The following ZMIZ1 variants were observed in gnomAD, a reference collection of about 807,000 sequenced individuals.
ZMIZ1 encodes the protein zinc finger MIZ-type containing 1, also known as zinc finger MIZ domain-containing protein 1.
ZMIZ1 carries 17 observed loss-of-function variants against 113.9 expected under a neutral mutation model. The ratio of observed to expected loss-of-function variants is 0.15; its 90% CI spans 0.10 to 0.22. The LOEUF (loss-of-function observed/expected upper bound fraction) is 0.22. ZMIZ1 is among the 10% of genes least tolerant of loss of function. The pLI, the probability that ZMIZ1 is intolerant of heterozygous loss-of-function variation, is 1.00. For synonymous variants in ZMIZ1, 607 were observed against 603.1 expected (o/e 1.01, Z -0.09); for missense variants, 1,059 against 1,477.8 (o/e 0.72, Z 4.65).
At chr10:79,154,549 T>G (rs1269119804) in intron 3 of ZMIZ1, among the ~76,000 whole-genome samples, 8 of 152,218 alleles carry the variant, frequency 5.3e-5, no homozygotes, top group Non-Finnish European at 8.8e-5. Context: ...GGACCTGGTC[T>G]GGCCACCCCC....
intron 12 of ZMIZ1, chr10:79,295,250 G>C (rs1425370080): frequency 2.6e-5 from 4 of 152,228 alleles, no homozygotes; most frequent in Non-Finnish European, 5.9e-5. Flanking sequence ...CTGGTCATTG[G>C]TGTCACCCCT....
rs573845342 is a variant in ZMIZ1 at position 79,298,624 on chromosome 10, C to T, written c.1666+44C>T. 2.5e-5 allele frequency: 39 copies of T among 1,544,228 alleles called. No homozygotes were observed. The East Asian group carries it at 8.2e-4, about 33-fold the overall frequency. ...TCTCTTGGCAGCTCCACCTGGGCCC[C>T]CCAGTGGGCCGGGAGCAGGGGCTTC... On this transcript the variant is annotated intron_variant, in intron 15 of 24. Transcript: ENST00000334512.
intron 16 of ZMIZ1, 64 bp from the exon 17 acceptor site, chr10:79,300,668 G>T: frequency 6.6e-7 from 1 of 1,525,426 alleles, no homozygotes. Context: ...CCTGGCTCGG[G>T]GTCACGGAGG....
intron 3 of ZMIZ1, among the ~76,000 whole-genome samples, chr10:79,141,800 A>G (rs1238248335): frequency 3.3e-5 from 5 of 152,160 alleles, no homozygotes; most frequent in Non-Finnish European, 4.4e-5. Context: ...AAGAAATGCA[A>G]ATAATCCAGT....
At chr10:79,266,117 A>G (rs140011051) in intron 7 of ZMIZ1, among the ~76,000 whole-genome samples, 1 of 152,342 alleles carries the variant, frequency 6.6e-6, no homozygotes, top group Non-Finnish European at 1.5e-5. Context: ...CACAGACTTC[A>G]GAGAGCAGTG....
intron 4 of ZMIZ1, among the ~76,000 whole-genome samples, chr10:79,163,232 C>T (rs1321737222): frequency 2.6e-5 from 4 of 152,230 alleles, no homozygotes; most frequent in East Asian, 3.9e-4. Context: ...TGGAGCTTAG[C>T]GCTTCCAGGG....
chr10:79,144,665 T>C (rs917269120), intron 3 of ZMIZ1, among the ~76,000 whole-genome samples: 1 of 152,268 alleles, frequency 6.6e-6, no homozygotes, highest in Non-Finnish European at 1.5e-5. Flanking sequence ...ATTGTGCCTA[T>C]TGTTTAAATA....
chr10:79,081,304 C>A (rs1208381465), intron 1 of ZMIZ1, among the ~76,000 whole-genome samples: 2 of 152,234 alleles, frequency 1.3e-5, no homozygotes, highest in African/African-American at 2.4e-5. Flanking sequence ...GGGGAGGTGG[C>A]CTTCTTATAT....
At chr10:79,230,534 C>T (rs1267368803) in intron 7 of ZMIZ1, among the ~76,000 whole-genome samples, 2 of 152,250 alleles carry the variant, frequency 1.3e-5, no homozygotes, top group African/African-American at 4.8e-5. Context: ...AGAATCACTT[C>T]CTCCCAATTA....
intron 1 of ZMIZ1, among the ~76,000 whole-genome samples, chr10:79,094,954 GAA>G (rs763911221): frequency 1.4e-4 from 19 of 139,612 alleles, no homozygotes; most frequent in Admixed American, 3.5e-4. Flanking sequence ...GCCCCTCCTG[GAA>G]AAAAAAAAAA....
At chr10:79,273,758 C>T (rs1351776648) in intron 7 of ZMIZ1, among the ~76,000 whole-genome samples, 1 of 152,256 alleles carries the variant, frequency 6.6e-6, no homozygotes, top group African/African-American at 2.4e-5. Context: ...AATTCCTCTC[C>T]ACGCCCCTTG....
intron 2 of ZMIZ1, among the ~76,000 whole-genome samples, chr10:79,123,683 C>G (rs951754269): frequency 7.2e-5 from 11 of 152,322 alleles, no homozygotes; most frequent in Admixed American, 3.3e-4. Flanking sequence ...TGGGCAGCCA[C>G]CTGGGGTGAG....
chr10:79,114,494 CGT>C (rs369818551), intron 1 of ZMIZ1, among the ~76,000 whole-genome samples: 2 of 114,340 alleles, frequency 1.7e-5, no homozygotes, highest in South Asian at 3.1e-4. Flanking sequence ...TGTGTGTGTG[CGT>C]GTGTGTGTGC....
Position 79,286,482 on chromosome 10 carries a change from G to A in ZMIZ1, c.426-3293G>A, listed in dbSNP as rs538603808. On this transcript the variant is annotated intron_variant, in intron 8 of 24. Coordinates refer to ENST00000334512, the MANE Select transcript of ZMIZ1 (RefSeq NM_020338.4). ...CCACTTCTGCTTCTGCAGCAGGTGC[G>A]TGTGGAGGCAAGCTAGTCCTGAGAC... is the stretch of plus-strand genomic sequence containing the variant. Among the ~76,000 whole-genome samples, 219 of 152,360 alleles carry A rather than the reference G, an allele frequency of 1.4e-3. 1 individual carries two copies. The highest frequency in any genetic ancestry group is 3.1e-3 in the Admixed American group (48 of 15,314).
chr10:79,315,793 G>A lies in ZMIZ1; in HGVS notation c.*3044G>A, dbSNP rs571001848. ...ACATATGTAAATGAGAAATAGAGAC[G>A]TGTCAACAGATGCATTCATTTCTCT... is the stretch of plus-strand genomic sequence containing the variant. On this transcript the variant is annotated 3_prime_UTR_variant, in exon 25 of 25. Transcript: ENST00000334512. The A allele has an allele frequency of 1.3e-5, 2 of 152,680 alleles. No individual in the cohort carries two copies. The highest frequency in any genetic ancestry group is 6.5e-5 in the Admixed American group (1 of 15,286). The allele number at this position is 152,680 out of a possible 1,614,324, so 9.5% of individuals were successfully genotyped here.
At chr10:79,148,111 T>G (rs1190302030) in intron 3 of ZMIZ1, among the ~76,000 whole-genome samples, 7 of 152,204 alleles carry the variant, frequency 4.6e-5, no homozygotes, top group African/African-American at 1.7e-4. Flanking sequence ...TGTGTCTGTT[T>G]GTCCACCTCC....
chr10:79,195,311 C>T (rs1261716009), intron 4 of ZMIZ1, among the ~76,000 whole-genome samples: 1 of 152,240 alleles, frequency 6.6e-6, no homozygotes, highest in Non-Finnish European at 1.5e-5. Flanking sequence ...GGTCCTGATC[C>T]CCCATGCTGA....
At chr10:79,127,129 ATATT>A (rs566586170) in intron 2 of ZMIZ1, among the ~76,000 whole-genome samples, 43 of 152,190 alleles carry the variant, frequency 2.8e-4, no homozygotes, top group African/African-American at 1.0e-3. Context: ...GGAGGGGACA[ATATT>A]TATTCCTTCC....
At position 79,313,864 on chromosome 10, in the gene ZMIZ1, C is replaced by CCAGTGT; in HGVS notation, c.*1115_*1116insCAGTGT. Reference sequence around the variant, plus strand: ...GTCCAATCAGATGGCAAGGGCAGTGCGTGGAAAGGCCGGGGAGGTGCAGAA... The same window carrying CCAGTGT: ...GTCCAATCAGATGGCAAGGGCAGTGCCAGTGTGTGGAAAGGCCGGGGAGGTGCAGAA... On this transcript the variant is annotated 3_prime_UTR_variant, in exon 25 of 25. Transcript: ENST00000334512. The CCAGTGT allele has an allele frequency of 2.8e-6, 1 of 362,856 alleles. No homozygotes were observed. Among genetic ancestry groups the CCAGTGT allele is most frequent in the African/African-American group, 2.1e-5 (1 of 47,116 alleles). The allele number at this position is 362,856 out of a possible 1,614,324, so 22.5% of individuals were successfully genotyped here. A position where few individuals can be genotyped will look rare whatever the true frequency, so the allele number is the denominator to read the frequency against.
Sources: gnomAD v4.1 joint callset for allele counts (sites outside exome capture counted in the v4.1 genomes callset) on GRCh38, gnomAD v4.1.1 for gene constraint, MANE v1.5 for transcripts, NCBI Gene and HGNC (gene_info 2026-07-23, HGNC 2026-07-21) for gene names.